The following NLGN1 variants were observed in gnomAD, a reference collection of about 807,000 sequenced individuals.
The protein encoded by NLGN1 is neuroligin-1.
NLGN1 carries 12 observed loss-of-function variants against 65.5 expected under a neutral mutation model. The observed-to-expected ratio is 0.18, with a 90% CI of 0.12 to 0.30. NLGN1 has a LOEUF of 0.30. NLGN1 is among the 10% of genes least tolerant of loss of function. NLGN1 has a pLI of 1.00. For missense variants in NLGN1, 750 were observed against 1,007.1 expected (o/e 0.74, Z 3.46); for synonymous variants, 350 against 359.5 (o/e 0.97, Z 0.30).
chr3:173,824,571 CAT>C (rs1021138457), intron 4 of NLGN1, among the ~76,000 whole-genome samples: 15 of 116,078 alleles, frequency 1.3e-4, no homozygotes, highest in South Asian at 2.4e-4. Context: ...CTGTGTATGA[CAT>C]GTGTGTATTG....
chr3:174,264,756 G>A (rs560662841), intron 4 of NLGN1, among the ~76,000 whole-genome samples: 384 of 152,062 alleles, frequency 2.5e-3, no homozygotes, highest in Non-Finnish European at 4.6e-3. Context: ...GAGGAGAGGC[G>A]CTCTGATTTT....
At chr3:173,458,968 C>A (rs1448170711) in intron 2 of NLGN1, among the ~76,000 whole-genome samples, 1 of 152,060 alleles carries the variant, frequency 6.6e-6, no homozygotes, top group African/African-American at 2.4e-5. Flanking sequence ...ACTAGAGTAT[C>A]ATTGGCTAAT....
At chr3:173,770,582 G>T (rs1779428813) in intron 3 of NLGN1, among the ~76,000 whole-genome samples, 1 of 152,054 alleles carries the variant, frequency 6.6e-6, no homozygotes, top group African/African-American at 2.4e-5. Flanking sequence ...GCTCCTCATG[G>T]ATTCCTAATT....
intron 4 of NLGN1, among the ~76,000 whole-genome samples, chr3:174,114,434 T>A (rs1715911626): frequency 6.6e-6 from 1 of 152,164 alleles, no homozygotes; most frequent in East Asian, 1.9e-4. Flanking sequence ...TAAAATGGCA[T>A]ATAAACAATT....
intron 1 of NLGN1, among the ~76,000 whole-genome samples, chr3:173,429,241 T>C (rs1406961071): frequency 3.3e-5 from 5 of 152,204 alleles, no homozygotes; most frequent in Non-Finnish European, 5.9e-5. Context: ...GTCTTCATAC[T>C]CTCTGATTCT....
chr3:173,926,119 A>G (rs1294672948), intron 4 of NLGN1, among the ~76,000 whole-genome samples: 4 of 151,988 alleles, frequency 2.6e-5, no homozygotes, highest in Non-Finnish European at 2.9e-5. Flanking sequence ...TCAGGTCTAA[A>G]GATTTTTTTT....
chr3:173,828,455 G>C (rs78179726), intron 4 of NLGN1, among the ~76,000 whole-genome samples: 3,105 of 152,174 alleles, frequency 0.02, 139 homozygotes, highest in African/African-American at 0.071. Flanking sequence ...TCATCCAACA[G>C]ATATTCACAG....
At chr3:174,289,475 AT>A (rs1157563331), downstream of NLGN1, among the ~76,000 whole-genome samples, 1 of 151,290 alleles carries the variant, frequency 6.6e-6, no homozygotes, top group African/African-American at 2.4e-5. Flanking sequence ...TGCAGGATAT[AT>A]TTTTTTCCCA....
chr3:173,979,384 A>G (rs763536359), intron 4 of NLGN1, among the ~76,000 whole-genome samples: 24 of 152,160 alleles, frequency 1.6e-4, no homozygotes, highest in African/African-American at 2.2e-4. Context: ...TGAAGTATTA[A>G]TAAGTGGGAA....
intron 1 of NLGN1, among the ~76,000 whole-genome samples, chr3:173,412,168 A>G (rs1019275663): frequency 4.6e-5 from 7 of 152,326 alleles, no homozygotes; most frequent in Admixed American, 3.3e-4. Flanking sequence ...GCAGAATACT[A>G]TTAGCAAGTT....
intron 2 of NLGN1, among the ~76,000 whole-genome samples, chr3:173,452,471 C>T (rs915047536): frequency 4.6e-5 from 7 of 152,266 alleles, no homozygotes; most frequent in South Asian, 2.1e-4. Flanking sequence ...AGGCGTGAGC[C>T]GCGGTGCCTG....
At chr3:173,443,739 T>G (rs947751990) in intron 2 of NLGN1, among the ~76,000 whole-genome samples, 15 of 152,228 alleles carry the variant, frequency 9.9e-5, no homozygotes, top group African/African-American at 3.6e-4. Flanking sequence ...CATTGTGTTT[T>G]CTTAGTAGAA....
chr3:173,900,986 C>G (rs1444596527), intron 4 of NLGN1, among the ~76,000 whole-genome samples: 1 of 151,976 alleles, frequency 6.6e-6, no homozygotes, highest in Non-Finnish European at 1.5e-5. Context: ...ACTGGAAACT[C>G]GTGTCTTTTG....
At chr3:174,068,140 T>C (rs1739048091) in intron 4 of NLGN1, among the ~76,000 whole-genome samples, 1 of 151,998 alleles carries the variant, frequency 6.6e-6, no homozygotes, top group Non-Finnish European at 1.5e-5. Context: ...AAAGTGTTTC[T>C]GAGTAGCAGT....
intron 4 of NLGN1, among the ~76,000 whole-genome samples, chr3:174,217,716 A>G (rs1034411481): frequency 6.6e-6 from 1 of 152,068 alleles, no homozygotes; most frequent in Non-Finnish European, 1.5e-5. Flanking sequence ...GGAGAGAAAC[A>G]GTTTTTATGA....
rs879585884 is a variant in NLGN1, at chr3:174,260,447, AT to A, written c.647-14862del. 3.4e-3 allele frequency among the ~76,000 whole-genome samples: 511 copies of A among 151,684 alleles called. 9 individuals carry two copies. The highest frequency in any genetic ancestry group is 1.4e-3 in the Non-Finnish European group (98 of 67,942). ...TCTCTGATGGCCAGTGACGATGAGC[AT>A]TTTTTCATGTGTTTTTTGGCTGCAT... On this transcript the variant is annotated intron_variant, in intron 4 of 6. Transcript: ENST00000457714.
chr3:173,992,191 G>T (rs1016895383), intron 4 of NLGN1, among the ~76,000 whole-genome samples: 3 of 152,032 alleles, frequency 2.0e-5, no homozygotes, highest in Admixed American at 6.6e-5. Flanking sequence ...ATTGTTACCC[G>T]CACACACACA....
intron 2 of NLGN1, among the ~76,000 whole-genome samples, chr3:173,455,952 GC>G (rs958718768): frequency 6.6e-6 from 1 of 152,056 alleles, no homozygotes; most frequent in African/African-American, 2.4e-5. Context: ...TGATGGCCCA[GC>G]TTATACTATC....
intron 2 of NLGN1, among the ~76,000 whole-genome samples, chr3:173,451,035 ATCT>A (rs1245658006): frequency 6.6e-6 from 1 of 151,774 alleles, no homozygotes; most frequent in Admixed American, 6.6e-5. Context: ...GAGTAGTTTG[ATCT>A]TCTGAAGCCT....
Sources: gnomAD v4.1 joint callset for allele counts (sites outside exome capture counted in the v4.1 genomes callset) on GRCh38, gnomAD v4.1.1 for gene constraint, MANE v1.5 for transcripts, NCBI Gene and HGNC (gene_info 2026-07-23, HGNC 2026-07-21) for gene names.